HIRA: variants seen among roughly 807,000 people sequenced by gnomAD.
The protein encoded by HIRA is protein HIRA.
In HIRA, 13 loss-of-function variants were observed where a neutral mutation model predicts 126.6. The ratio of observed to expected loss-of-function variants is 0.10; its 90% CI spans 0.07 to 0.16. The LOEUF is 0.16. Among genes scored for constraint, HIRA ranks in the 10% least tolerant of loss-of-function variants. The pLI, the probability that HIRA is intolerant of heterozygous loss-of-function variation, is 1.00. For synonymous variants in HIRA, 511 were observed against 520.0 expected (o/e 0.98, Z 0.24); for missense variants, 834 against 1,314.4 (o/e 0.63, Z 5.65).
At chr22:19,415,381 C>T (rs190906198) in intron 1 of HIRA, among the ~76,000 whole-genome samples, 3 of 152,160 alleles carry the variant, frequency 2.0e-5, no homozygotes, top group Non-Finnish European at 2.9e-5. Context: ...GCCCAGGAGG[C>T]GAAAGACTTG....
intron 15 of HIRA, 68 bp downstream of exon 15, chr22:19,375,563 T>C (rs2089009909): frequency 1.3e-6 from 2 of 1,541,880 alleles, no homozygotes; most frequent in Non-Finnish European, 1.8e-6. Context: ...GTGGGAACAC[T>C]GCCACTGTGC....
chr22:19,331,340 C>G lies in HIRA; in HGVS notation c.*100G>C. ...GACAGCACATCTCCTGCCAGTGTCTCCTCCCCCTACAGCCTGGTCAGGTGA... is the reference window on the plus strand; with the variant it reads ...GACAGCACATCTCCTGCCAGTGTCTGCTCCCCCTACAGCCTGGTCAGGTGA... On this transcript the variant is annotated 3_prime_UTR_variant, in exon 25 of 25. Transcript: ENST00000263208. The G allele has an allele frequency of 6.2e-7, 1 of 1,600,092 alleles. No individual in the cohort carries two copies. The highest frequency in any genetic ancestry group is 1.7e-4 in the Middle Eastern group (1 of 6,036).
intron 24 of HIRA, among the ~76,000 whole-genome samples, chr22:19,339,823 A>G (rs1211400950): frequency 6.6e-6 from 1 of 152,208 alleles, no homozygotes; most frequent in Non-Finnish European, 1.5e-5. Context: ...TCATTCAGGA[A>G]AAAATAGAAA....
chr22:19,429,446 A>G (rs2089514291), intron 1 of HIRA, among the ~76,000 whole-genome samples: 1 of 152,006 alleles, frequency 6.6e-6, no homozygotes, highest in African/African-American at 2.4e-5. Context: ...TCTTTTTATT[A>G]TTACTTATTA....
intron 1 of HIRA, among the ~76,000 whole-genome samples, chr22:19,416,046 GAAC>G (rs1274474437): frequency 2.0e-5 from 3 of 152,108 alleles, no homozygotes; most frequent in Non-Finnish European, 2.9e-5. Context: ...CAGACACCTA[GAAC>G]AACAGAATAC....
chr22:19,390,264 C>T (rs1017803855), intron 9 of HIRA, among the ~76,000 whole-genome samples: 4 of 152,074 alleles, frequency 2.6e-5, no homozygotes, highest in African/African-American at 9.7e-5. Context: ...CTGTAGAGGG[C>T]ACTGAGTTAG....
At chr22:19,413,656 G>A (rs1194198937) in intron 1 of HIRA, among the ~76,000 whole-genome samples, 5 of 151,582 alleles carry the variant, frequency 3.3e-5, no homozygotes, top group Non-Finnish European at 7.4e-5. Flanking sequence ...CTGTCGCCCA[G>A]GCTAGAGTGC....
intron 13 of HIRA, among the ~76,000 whole-genome samples, chr22:19,379,121 G>A (rs1053412505): frequency 2.0e-5 from 3 of 151,144 alleles, no homozygotes; most frequent in Non-Finnish European, 4.4e-5. Context: ...TCCGCCTCCC[G>A]GGTTCACGCC....
chr22:19,408,425 T>G, intron 3 of HIRA, 58 bp downstream of exon 3: 1 of 1,083,950 alleles, frequency 9.2e-7, no homozygotes, highest in Non-Finnish European at 1.4e-6. Flanking sequence ...CAAACACATG[T>G]GCTAACCTTG....
At chr22:19,334,377 A>C (rs1307430034) in intron 24 of HIRA, among the ~76,000 whole-genome samples, 3 of 150,514 alleles carry the variant, frequency 2.0e-5, no homozygotes, top group Non-Finnish European at 3.0e-5. Context: ...TCTGATGGGC[A>C]CAGTGGCTCA....
At chr22:19,397,081 C>CA (rs982736504) in intron 6 of HIRA, 134 bp from the exon 7 acceptor site, 50 of 724,370 alleles carry the variant, frequency 6.9e-5, no homozygotes, top group Non-Finnish European at 1.0e-4. Flanking sequence ...CAGACAGAAG[C>CA]AGAAGGGCCT....
chr22:19,343,876 A>G (rs1267665659), intron 24 of HIRA, among the ~76,000 whole-genome samples: 3 of 70,886 alleles, frequency 4.2e-5, no homozygotes, highest in African/African-American at 1.1e-4. Flanking sequence ...CAGTGAGGGG[A>G]AAAAAAAAAA....
intron 1 of HIRA, among the ~76,000 whole-genome samples, chr22:19,420,256 G>A (rs1365142699): frequency 6.6e-6 from 1 of 151,736 alleles, no homozygotes; most frequent in Non-Finnish European, 1.5e-5. Flanking sequence ...TGAGGAATTC[G>A]AGACCACTTT....
At chr22:19,345,102 T>C (rs782761237) in intron 24 of HIRA, among the ~76,000 whole-genome samples, 1 of 152,204 alleles carries the variant, frequency 6.6e-6, no homozygotes, top group African/African-American at 2.4e-5. Flanking sequence ...CCAGCACTAA[T>C]ATTTAACGTA....
intron 16 of HIRA, 140 bp downstream of exon 16, chr22:19,361,587 A>T: frequency 1.2e-6 from 1 of 863,544 alleles, no homozygotes; most frequent in Non-Finnish European, 1.9e-6. Flanking sequence ...CCTCCATGCT[A>T]CATTCCAGGG....
At chr22:19,380,377 C>G (rs1352366490) in intron 13 of HIRA, among the ~76,000 whole-genome samples, 1 of 152,100 alleles carries the variant, frequency 6.6e-6, no homozygotes, top group Non-Finnish European at 1.5e-5. Context: ...CCGAATTAGC[C>G]AATGTTTTAT....
chr22:19,415,007 G>A (rs887765999), intron 1 of HIRA, among the ~76,000 whole-genome samples: 2 of 152,024 alleles, frequency 1.3e-5, no homozygotes, highest in East Asian at 1.9e-4. Flanking sequence ...GTGCAGTAAC[G>A]CAATCTCAGC....
chr22:19,356,992 C>T lies in HIRA; in HGVS notation c.2294G>A (p.Arg765His), dbSNP rs1556012805. 5.6e-6 allele frequency: 9 copies of T among 1,613,834 alleles called. No homozygotes were observed. The highest frequency in any genetic ancestry group is 2.7e-5 in the African/African-American group (2 of 74,928). ...CAGGAGGATGGGAGAGAGGAGACGG[C>T]GACCACAGGTGGAGAACACTGACAG... ...RMLSVFSTCG[R>H]RLLSPILLPS... Residue 765 changes from arginine to histidine, a missense_variant, in exon 19 of 25, where the codon CGC (arginine) becomes CAC (histidine). Coordinates refer to ENST00000263208, the MANE Select transcript of HIRA (RefSeq NM_003325.4).
chr22:19,413,802 G>A (rs2089373530), intron 1 of HIRA, among the ~76,000 whole-genome samples: 1 of 151,908 alleles, frequency 6.6e-6, no homozygotes, highest in South Asian at 2.1e-4. Flanking sequence ...AGTAGAAACA[G>A]GGTTTCACCA....
Sources: gnomAD v4.1 joint callset for allele counts (sites outside exome capture counted in the v4.1 genomes callset) on GRCh38, gnomAD v4.1.1 for gene constraint, MANE v1.5 for transcripts, NCBI Gene and HGNC (gene_info 2026-07-23, HGNC 2026-07-21) for gene names.